PCSK4: variants seen among roughly 807,000 people sequenced by gnomAD.
PCSK4 encodes proprotein convertase subtilisin/kexin type 4.
A neutral mutation model predicts 80.3 loss-of-function variants in PCSK4; 64 were observed. The observed-to-expected ratio is 0.80, with a 90% CI of 0.65 to 0.98. The LOEUF (loss-of-function observed/expected upper bound fraction) is 0.98, where lower values mean the gene tolerates loss of function less well. Among genes scored for constraint, PCSK4 ranks in the 50% least tolerant of loss-of-function variants. The probability of loss-of-function intolerance (pLI) is 0.00; values close to 1 mark genes in which losing one functional copy is unlikely to be tolerated. For synonymous variants in PCSK4, 561 were observed against 487.6 expected, an observed-to-expected ratio of 1.15 and a Z score of -1.98; for missense variants, 1,213 against 1,093.6, an observed-to-expected ratio of 1.11 and a Z score of -1.54.
exon 15 of PCSK4, chr19:1,481,946 C>T (rs768583062): frequency 4.1e-5 from 66 of 1,595,458 alleles, no homozygotes; most frequent in East Asian, 3.4e-4. Flanking sequence ...AGCTCTAAGC[C>T]GGGGGCGGCT....
rs1265285649 is a variant in PCSK4, at chr19:1,484,136, A to T, written c.1069-9T>A. 1.3e-6 allele frequency: 2 copies of T among 1,521,514 alleles called. No homozygotes were observed. Among genetic ancestry groups the T allele is most frequent in the Non-Finnish European group, 1.8e-6 (2 of 1,123,628 alleles). The allele number at this position is 1,521,514 out of a possible 1,614,324, so 94.3% of individuals were successfully genotyped here. A position where few individuals can be genotyped will look rare whatever the true frequency, so the allele number is the denominator to read the frequency against. On this transcript the variant is annotated splice_polypyrimidine_tract_variant and intron_variant, in intron 8 of 14. Transcript: ENST00000300954. ...TGCAGGTCCGTGGTGACCTGAGGGCAGAGGGGGGTGGGACTCGGGGGGCCG... is the reference window on the plus strand; with the variant it reads ...TGCAGGTCCGTGGTGACCTGAGGGCTGAGGGGGGTGGGACTCGGGGGGCCG...
rs1253947017 is a variant in PCSK4, at chr19:1,490,337, C to G, written c.10G>C (p.Ala4Pro). Residue 4 changes from alanine (A) to proline (P), a missense_variant, in exon 1 of 15, where the codon GCC becomes CCC. Transcript: ENST00000300954. ...AGGCGCAGCCACAGCGCAATCGGGGCGGGCCGCATGGAGGCGGGGCGGGAG... is the reference window on the plus strand; with the variant it reads ...AGGCGCAGCCACAGCGCAATCGGGGGGGGCCGCATGGAGGCGGGGCGGGAG... The G allele has an allele frequency of 7.8e-7, 1 of 1,285,714 alleles. No individual in the cohort carries two copies. Among genetic ancestry groups the G allele is most frequent in the Admixed American group, 2.5e-5 (1 of 39,260 alleles). The allele number at this position is 1,285,714 out of a possible 1,614,324, so 79.6% of individuals were successfully genotyped here.
upstream of PCSK4, chr19:1,490,411 C>T: frequency 1.5e-6 from 1 of 645,702 alleles, no homozygotes; most frequent in East Asian, 3.2e-5. Flanking sequence ...CGAGTGGGCC[C>T]AGGCGTCCGA....
chr19:1,483,347 C>T (rs1345223751), exon 12 of PCSK4: 1 of 1,610,088 alleles, frequency 6.2e-7, no homozygotes. Flanking sequence ...CAGGTCTCCG[C>T]GCCGGCTGTA....
At chr19:1,489,661 G>T (rs1308121549) in intron 2 of PCSK4, 132 bp downstream of exon 2, 4 of 1,444,658 alleles carry the variant, frequency 2.8e-6, no homozygotes, top group Non-Finnish European at 1.8e-6. Context: ...ATAGACTTGG[G>T]GCCCGGGCGG....
chr19:1,484,275 G>T (rs2084486579), intron 8 of PCSK4, 148 bp from the exon 9 acceptor site: 1 of 562,230 alleles, frequency 1.8e-6, no homozygotes, highest in Non-Finnish European at 3.2e-6. Context: ...GTTGTCTGAG[G>T]TCAGGAGTTC....
At chr19:1,482,846 G>T (rs761697567) in intron 13 of PCSK4, 50 bp downstream of exon 13, 4 of 1,596,492 alleles carry the variant, frequency 2.5e-6, no homozygotes, top group Non-Finnish European at 3.4e-6. Context: ...GCCCCTGGGG[G>T]GAGGTTGGAG....
At chr19:1,482,421 G>A (rs368532534) in exon 14 of PCSK4, 13 of 1,607,990 alleles carry the variant, frequency 8.1e-6, no homozygotes, top group Non-Finnish European at 1.1e-5. Flanking sequence ...TGTAGGCCGC[G>A]CTGTCATGTC....
chr19:1,487,736 C>G, intron 5 of PCSK4, 45 bp from the exon 6 acceptor site: 2 of 1,548,438 alleles, frequency 1.3e-6, no homozygotes, highest in Non-Finnish European at 1.7e-6. Context: ...CCTCCATCCC[C>G]CTGCCGGGTA....
At chr19:1,487,170 G>T in exon 7 of PCSK4, 1 of 1,606,968 alleles carries the variant, frequency 6.2e-7, no homozygotes, top group South Asian at 1.1e-5. Context: ...AAGGCCTCGC[G>T]GGTGAGGATG....
At chr19:1,488,769 T>C (rs1365886430) in intron 2 of PCSK4, among the ~76,000 whole-genome samples, 2 of 151,682 alleles carry the variant, frequency 1.3e-5, no homozygotes, top group Non-Finnish European at 2.9e-5. Flanking sequence ...TTAGTAGAGA[T>C]GGGGTTTCGC....
At chr19:1,488,143 G>A (rs1046967705) in intron 3 of PCSK4, 45 bp downstream of exon 3, 49 of 1,612,914 alleles carry the variant, frequency 3.0e-5, no homozygotes, top group Admixed American at 5.0e-5. Flanking sequence ...AGTTGAGGGC[G>A]CCAGCGGCCC....
At chr19:1,485,795 C>G (rs955054791) in intron 8 of PCSK4, among the ~76,000 whole-genome samples, 29 of 151,734 alleles carry the variant, frequency 1.9e-4, no homozygotes, top group African/African-American at 6.8e-4. Flanking sequence ...GGTGTGAACC[C>G]GGGAGGCGGA....
At position 1,487,059 on chromosome 19, in the gene PCSK4, C is replaced by A. The variant is rs371814869; in HGVS notation, c.862G>T (p.Gly288Cys). 8 of 1,605,368 alleles carry A rather than the reference C, an allele frequency of 5.0e-6. No homozygotes were observed. The Admixed American group carries it at 1.3e-4, about 27-fold the overall frequency. Residue 288 changes from glycine (G) to cysteine (C), a missense_variant, in exon 8 of 15, where the codon GGC (glycine) becomes TGC (cysteine). By Grantham distance (159) the Gly-to-Cys change is radical. Coordinates refer to ENST00000300954, the Ensembl canonical transcript of PCSK4. ...CAGATGAAGAGCGTGCCCAGCCCGC[C>A]GCGGCCCTGGGAAACCAGGAGGGGC...
chr19:1,487,351 C>T, intron 6 of PCSK4, 38 bp from the exon 7 acceptor site: 1 of 1,519,038 alleles, frequency 6.6e-7, no homozygotes, highest in Middle Eastern at 2.3e-4. Flanking sequence ...GCCACCGGCC[C>T]TGCCCTTCCC....
chr19:1,483,252 A>C, intron 12 of PCSK4, 32 bp downstream of exon 12: 1 of 1,516,620 alleles, frequency 6.6e-7, no homozygotes, highest in Non-Finnish European at 8.9e-7. Flanking sequence ...ACAGGGCATG[A>C]GGCCGCCCCC....
At chr19:1,489,619 C>T (rs577217750) in intron 2 of PCSK4, 174 bp downstream of exon 2, 3 of 1,202,620 alleles carry the variant, frequency 2.5e-6, no homozygotes, top group South Asian at 1.6e-5. Context: ...CCATGATTTC[C>T]GTATCTGGGT....
upstream of PCSK4, chr19:1,490,870 C>T: frequency 5.3e-6 from 1 of 189,478 alleles, no homozygotes; most frequent in Admixed American, 6.2e-5. Flanking sequence ...TCGGATGTTT[C>T]TTTAGCCCCT....
exon 1 of PCSK4, chr19:1,490,204 T>G: frequency 6.2e-7 from 1 of 1,613,386 alleles, no homozygotes; most frequent in East Asian, 2.2e-5. Context: ...GCGCTCGACC[T>G]CCCGGTTACC....
Sources: allele counts gnomAD v4.1 joint callset (sites outside exome capture counted in the v4.1 genomes callset), GRCh38; gene constraint gnomAD v4.1.1; transcripts MANE v1.5; gene names NCBI Gene and HGNC (gene_info 2026-07-23, HGNC 2026-07-21).